DQX1: variants seen among roughly 807,000 people sequenced by gnomAD.
The protein encoded by DQX1 is DEAQ-box RNA dependent ATPase 1, also known as ATP-dependent RNA helicase homolog DQX1.
A neutral mutation model predicts 81.3 loss-of-function variants in DQX1; 66 were observed. That is an observed-to-expected ratio of 0.81 (90% CI 0.67 to 1.00). The LOEUF (loss-of-function observed/expected upper bound fraction) is 1.00. DQX1 is among the 50% of genes least tolerant of loss of function. The pLI is 0.00. For missense variants in DQX1, 798 were observed against 867.9 expected (o/e 0.92, Z 1.01); for synonymous variants, 290 against 350.0 (o/e 0.83, Z 1.91).
chr2:74,523,499 T>A lies in DQX1; in HGVS notation c.855A>T (p.Val285=). 1 of 1,613,958 alleles carries A rather than the reference T, an allele frequency of 6.2e-7. No homozygotes were observed. Among genetic ancestry groups the A allele is most frequent in the Non-Finnish European group, 8.5e-7 (1 of 1,179,990 alleles). The change falls in exon 5 of 12, where the codon GTA becomes GTT. Residue 285 remains valine (V), a synonymous_variant. Coordinates refer to ENST00000404568, the MANE Select transcript of DQX1 (RefSeq NM_133637.3). ...GAAGCCCTTGGAGAAGCAAGGACTC[T>A]ACCTCCCTGGACAAGGATTCACAGC... ...SLCCESLSRE[V]ESLLLQGLPP...
At chr2:74,522,338 G>C (rs1358334298) in intron 8 of DQX1, among the ~76,000 whole-genome samples, 4 of 152,216 alleles carry the variant, frequency 2.6e-5, no homozygotes, top group Admixed American at 2.6e-4. Flanking sequence ...TTGAGGAAGA[G>C]GGGTGTGTGA....
rs762107543 is a variant in DQX1, at chr2:74,519,935, A to T, written c.1595T>A (p.Val532Glu). 1 of 1,614,168 alleles carries T rather than the reference A, an allele frequency of 6.2e-7. No individual in the cohort carries two copies. The highest frequency in any genetic ancestry group is 2.2e-5 in the East Asian group (1 of 44,886). The change falls in exon 9 of 12, where the codon GTG becomes GAG. Residue 532 changes from valine (V) to glutamate (E), a missense_variant. By Grantham distance (121) the Val-to-Glu change is moderately radical (BLOSUM62 -2). Transcript: ENST00000404568. ...CTCACTTTGTATAAAGGCTTCATAC[A>T]CCTGGATCAGAGAACTGTGGTCACC... ...TDGDHSSLIQ[V>E]YEAFIQSGAD...
rs1470219002 is a variant in DQX1, at chr2:74,525,000, G to A, written c.431+9C>T. The A allele has an allele frequency of 5.6e-6, 9 of 1,610,376 alleles. 1 individual carries two copies. Among genetic ancestry groups the A allele is most frequent in the South Asian group, 5.5e-5 (5 of 90,890 alleles). On this transcript the variant is annotated intron_variant, in intron 3 of 11. Transcript: ENST00000404568. ...ATTATATTCGGGTAAGGCCTGCAGA[G>A]GCCCCCACCTGAGCAGGGTGTTGGG...
chr2:74,524,243 C>T lies in DQX1; in HGVS notation c.496G>A (p.Val166Met), dbSNP rs574005605. 57 of 1,614,124 alleles carry T rather than the reference C, an allele frequency of 3.5e-5. No individual in the cohort carries two copies. In the African/African-American group the frequency reaches 4.3e-4, roughly 12 times the overall value. Residue 166 changes from valine to methionine, a missense_variant, in exon 4 of 12, where the codon GTG (valine) becomes ATG (methionine). Coordinates refer to ENST00000404568, the MANE Select transcript of DQX1 (RefSeq NM_133637.3). ...ASTRGTGAWG[V>M]LVLDEAQERS... ...TCCTGAGCCTCATCTAGTACCAGCA[C>T]GCCCCAGGCTCCAGTGCCTCGGGTC...
In DQX1 at chr2:74,525,699, C is replaced by T; in HGVS notation, c.31G>A (p.Glu11Lys). ...GACTCCCCAGGACTTGGGCCATACT[C>T]TTCTGCTAGCCTGAGAGGCTGAGAG... MTSQPLRLAE[E>K]YGPSPGESEL... The change falls in exon 2 of 12, where the codon GAG becomes AAG. Residue 11 changes from glutamate (E) to lysine (K), a missense_variant. Physicochemically the swap from Glu to Lys is moderately conservative, Grantham distance 56. Transcript: ENST00000404568. The surrounding 1 kb of genome is among the most constrained non-coding windows in gnomAD (Gnocchi z 4.1). The T allele has an allele frequency of 6.4e-7, 1 of 1,551,734 alleles. No homozygotes were observed. The highest frequency in any genetic ancestry group is 1.4e-5 in the African/African-American group (1 of 73,190).
intron 10 of DQX1, 77 bp downstream of exon 10, chr2:74,519,479 T>C: frequency 6.5e-7 from 1 of 1,545,734 alleles, no homozygotes; most frequent in Non-Finnish European, 8.7e-7. Flanking sequence ...GACCCTGATT[T>C]CAAAGTGGCT....
rs1164249323 is a variant in DQX1 at position 74,522,947 on chromosome 2, C to G, written c.1212G>C (p.Arg404Ser). Residue 404 changes from arginine to serine, a missense_variant, in exon 7 of 12, where the codon AGG (arginine) becomes AGC (serine). By Grantham distance (110) the Arg-to-Ser change is moderately radical. Transcript: ENST00000404568. ...ELEAPPLPQP[R>S]VCEENLSSLV... ...GGGAGCTCAGATTCTCCTCACACAC[C>G]CTGGGTTGTGGCAATGGTGGAGCTT... The G allele has an allele frequency of 7.4e-6, 12 of 1,613,992 alleles. No homozygotes were observed. Among genetic ancestry groups the G allele is most frequent in the Non-Finnish European group, 9.3e-6 (11 of 1,180,028 alleles).
In DQX1 at chr2:74,523,232, C is replaced by G. The variant is rs777001695; in HGVS notation, c.1045-14G>C. On this transcript the variant is annotated splice_polypyrimidine_tract_variant and intron_variant, in intron 5 of 11. Transcript: ENST00000404568. Reference sequence around the variant, plus strand: ...AGGATTGTAAACCTGTTGCCCGTCCCCCAACCAAGGCCAAGACAGATCAGA... The same window carrying G: ...AGGATTGTAAACCTGTTGCCCGTCCGCCAACCAAGGCCAAGACAGATCAGA... 3.1e-6 allele frequency: 5 copies of G among 1,614,198 alleles called. No homozygotes were observed. In the South Asian group the frequency reaches 4.4e-5, roughly 14 times the overall value.
At position 74,519,746 on chromosome 2, in the gene DQX1, C is replaced by T; in HGVS notation, c.1616G>A (p.Ser539Asn). 1.2e-6 allele frequency: 2 copies of T among 1,614,110 alleles called. No individual in the cohort carries two copies. The highest frequency in any genetic ancestry group is 1.7e-4 in the Middle Eastern group (1 of 6,058). ...LIQVYEAFIQ[S>N]GADEAWCQAR... The stretch of plus-strand genomic sequence containing the variant: ...CTGGCACCAAGCCTCATCTGCTCCA[C>T]CTAGGAGAGGAAAGGGACCAGCTAA... Residue 539 changes from serine (S) to asparagine (N), a missense_variant and splice_region_variant, in exon 10 of 12, where the codon AGT becomes AAT. By Grantham distance (46) the Ser-to-Asn change is conservative (BLOSUM62 1). Transcript: ENST00000404568.
chr2:74,525,280 ACTTTAAT>A lies in DQX1; in HGVS notation c.238-85_238-79del. 1 of 1,414,880 alleles carries A rather than the reference ACTTTAAT, an allele frequency of 7.1e-7. No homozygotes were observed. Among genetic ancestry groups the A allele is most frequent in the Non-Finnish European group, 9.4e-7 (1 of 1,062,024 alleles). The allele number at this position is 1,414,880 out of a possible 1,614,324, so 87.6% of individuals were successfully genotyped here. A position where few individuals can be genotyped will look rare whatever the true frequency, so the allele number is the denominator to read the frequency against. On this transcript the variant is annotated intron_variant, in intron 2 of 11. Transcript: ENST00000404568. This position sits in a 1 kb window ranked among gnomAD's most constrained non-coding sequence, Gnocchi z 4.1. ...CAGAAGTGCTCAGGGAACTATGGCC[ACTTTAAT>A]CTTTCCTTATTTGGGGAGTCCCCTG...
Position 74,525,377 on chromosome 2 carries a change from A to T in DQX1, c.237+116T>A, listed in dbSNP as rs1274572861. On this transcript the variant is annotated intron_variant, in intron 2 of 11. Coordinates refer to ENST00000404568, the MANE Select transcript of DQX1 (RefSeq NM_133637.3). The surrounding 1 kb of genome is among the most constrained non-coding windows in gnomAD (Gnocchi z 4.1). ...TCTCTCTTCGTTCACCTTCCTCATG[A>T]CCCCACGCAGCCCAGTCCCCCCTTG... 2.3e-6 allele frequency: 3 copies of T among 1,286,114 alleles called. No individual in the cohort carries two copies. Among genetic ancestry groups the T allele is most frequent in the African/African-American group, 1.5e-5 (1 of 67,176 alleles). 79.7% of individuals were successfully genotyped at this position (1,286,114 alleles called of 1,614,324 possible).
chr2:74,519,774 T>C, intron 9 of DQX1, 28 bp from the exon 10 acceptor site: 1 of 1,612,894 alleles, frequency 6.2e-7, no homozygotes, highest in Non-Finnish European at 8.5e-7. Context: ...CCAGCTAAAC[T>C]AAAGTCCTTG....
In DQX1 at chr2:74,519,191, G is replaced by C. The variant is rs759125429; in HGVS notation, c.1846C>G (p.Leu616Val). ...DTDGTGNYLL[L>V]THKHVAQLSS... ...AGCTGGGCCACATGCTTATGGGTTAGGAGAAGGTAATTTCCAGTCCCGTCT... is the reference window on the plus strand; with the variant it reads ...AGCTGGGCCACATGCTTATGGGTTACGAGAAGGTAATTTCCAGTCCCGTCT... Residue 616 changes from leucine (L) to valine (V), a missense_variant, in exon 11 of 12, where the codon CTA becomes GTA. Physicochemically the swap from Leu to Val is conservative, Grantham distance 32. Coordinates refer to ENST00000404568, the MANE Select transcript of DQX1 (RefSeq NM_133637.3). 1 of 1,599,346 alleles carries C rather than the reference G, an allele frequency of 6.3e-7. No homozygotes were observed. Among genetic ancestry groups the C allele is most frequent in the Non-Finnish European group, 8.5e-7 (1 of 1,172,502 alleles).
rs777353299 is a variant in DQX1 at position 74,523,357 on chromosome 2, G to GGGAGAA, written c.991_996dup (p.Phe331_Ser332dup). 29 of 1,614,096 alleles carry GGGAGAA rather than the reference G, an allele frequency of 1.8e-5. No individual in the cohort carries two copies. The highest frequency in any genetic ancestry group is 2.2e-5 in the Non-Finnish European group (26 of 1,180,044). ...TCGATGACATGTTGGATGGAAGGGA[G>GGGAGAA]GGAGAAGGAGAAGTCAGCCAGCCAG... is the stretch of plus-strand genomic sequence containing the variant. On this transcript the variant is annotated inframe_insertion, in exon 5 of 12. Coordinates refer to ENST00000404568, the MANE Select transcript of DQX1 (RefSeq NM_133637.3).
intron 3 of DQX1, 25 bp downstream of exon 3, chr2:74,524,984 G>C: frequency 1.9e-6 from 3 of 1,593,582 alleles, no homozygotes; most frequent in Non-Finnish European, 2.6e-6. Flanking sequence ...AATTATATTC[G>C]GGTAAGGCCT....
At chr2:74,522,178 A>C (rs1433730419) in intron 8 of DQX1, among the ~76,000 whole-genome samples, 1 of 152,186 alleles carries the variant, frequency 6.6e-6, no homozygotes, top group Non-Finnish European at 1.5e-5. Flanking sequence ...GTTCAAAAGT[A>C]TCCACTGGAT....
rs769646302 is a variant in DQX1, at chr2:74,523,200, G to A, written c.1063C>T (p.Arg355Ter). 23 of 1,613,988 alleles carry A rather than the reference G, an allele frequency of 1.4e-5. No individual in the cohort carries two copies. The South Asian group carries it at 1.8e-4, about 12-fold the overall frequency. ...GGCCTCAACACTTGGAATTCTGCTC[G>A]GATCCTAGGATTGTAAACCTGTTGC... ...ELRSVYNPRI[R>*]AEFQVLRPIS... The change falls in exon 6 of 12, where the codon CGA becomes TGA. Residue 355 changes from arginine to a stop codon, truncating the protein, a stop_gained. Transcript: ENST00000404568. LOFTEE classifies it high-confidence loss of function.
intron 8 of DQX1, 132 bp from the exon 9 acceptor site, chr2:74,520,166 G>A (rs768631806): frequency 1.9e-5 from 23 of 1,189,456 alleles, no homozygotes; most frequent in Non-Finnish European, 2.6e-5. Flanking sequence ...TAACTTCTAG[G>A]TGCTATGCAC....
At position 74,525,589 on chromosome 2, in the gene DQX1, G is replaced by A; in HGVS notation, c.141C>T (p.Ile47=). Residue 47 remains isoleucine (I), a synonymous_variant, in exon 2 of 12, where the codon ATC becomes ATT. Transcript: ENST00000404568. The surrounding 1 kb of genome is among the most constrained non-coding windows in gnomAD (Gnocchi z 4.1). The stretch of plus-strand genomic sequence containing the variant: ...CCAAGAAGGTAAAGCGAGCAGCCCA[G>A]ATGGGCAAGGCTTGGCGCTGCTTCA... ...ELLKQRQALP[I]WAARFTFLEQ... 2.6e-6 allele frequency: 4 copies of A among 1,552,052 alleles called. No individual in the cohort carries two copies. The highest frequency in any genetic ancestry group is 3.5e-6 in the Non-Finnish European group (4 of 1,147,080).
Sources: gnomAD v4.1 joint callset for allele counts (sites outside exome capture counted in the v4.1 genomes callset) on GRCh38, gnomAD v4.1.1 for gene constraint, Gnocchi (gnomAD v3.1) non-coding constraint, MANE v1.5 for transcripts, NCBI Gene and HGNC (gene_info 2026-07-23, HGNC 2026-07-21) for gene names.